Variants in ROBO4 observed in about 807,000 individuals in gnomAD.
ROBO4 encodes roundabout homolog 4.
In ROBO4, 80 loss-of-function variants were observed where a neutral mutation model predicts 103.3. The ratio of observed to expected loss-of-function variants is 0.77; its 90% CI spans 0.65 to 0.93. The LOEUF is 0.93. Ranked by LOEUF, ROBO4 falls within the 40% of genes least tolerant of loss-of-function variation. The pLI is 0.00. For missense variants in ROBO4, 1,333 were observed against 1,305.3 expected, an observed-to-expected ratio of 1.02 and a Z score of -0.33; for synonymous variants, 504 against 529.7, an observed-to-expected ratio of 0.95 and a Z score of 0.67.
chr11:124,892,642 T>C (rs1946817493), intron 10 of ROBO4: 1 of 154,838 alleles, frequency 6.5e-6, no homozygotes, highest in Non-Finnish European at 1.4e-5. Flanking sequence ...ACCCCCTCCA[T>C]GTGTCTTGTA....
Position 124,887,807 on chromosome 11 carries a change from C to T in ROBO4, c.1982G>A (p.Arg661Gln), listed in dbSNP as rs749066541. The change falls in exon 13 of 18, where the codon CGG becomes CAG. Residue 661 changes from arginine (R) to glutamine (Q), a missense_variant. Arg to Gln is a conservative substitution (Grantham distance 43). Transcript: ENST00000306534. ...CCGGAGCTCCAAGGAGTGGCTGCCCCGGAGCAGTGGGGAACTGTTGGCATG... is the reference window on the plus strand; with the variant it reads ...CCGGAGCTCCAAGGAGTGGCTGCCCTGGAGCAGTGGGGAACTGTTGGCATG... ...LQHANSSPLLRGSHSLELRAC... is the reference protein window; with the variant it reads ...LQHANSSPLLQGSHSLELRAC... 1.5e-5 allele frequency: 24 copies of T among 1,613,884 alleles called. 1 individual carries two copies. Among genetic ancestry groups the T allele is most frequent in the Admixed American group, 5.0e-5 (3 of 59,934 alleles).
chr11:124,897,208 G>T lies in ROBO4; in HGVS notation c.124C>A (p.Leu42Met). The change falls in exon 2 of 18, where the codon CTG becomes ATG. Residue 42 changes from leucine (L) to methionine (M), a missense_variant. By Grantham distance (15) the Leu-to-Met change is conservative. Transcript: ENST00000306534. ...CTGGCAGGGCCAGGGCCCTGGAACA[G>T]CTGGTCCTGGGGGTGGACTAGGATC... is the stretch of plus-strand genomic sequence containing the variant. ...PQILVHPQDQ[L>M]FQGPGPARMS... The T allele has an allele frequency of 6.7e-7, 1 of 1,494,402 alleles. No individual in the cohort carries two copies. Among genetic ancestry groups the T allele is most frequent in the Admixed American group, 2.4e-5 (1 of 41,118 alleles). The allele number at this position is 1,494,402 out of a possible 1,614,324, so 92.6% of individuals were successfully genotyped here.
At chr11:124,887,523 G>A in intron 13 of ROBO4, 24 bp from the exon 14 acceptor site, 1 of 1,612,902 alleles carries the variant, frequency 6.2e-7, no homozygotes, top group Non-Finnish European at 8.5e-7. Flanking sequence ...GCCTGGGTGT[G>A]AGAACAGTGG....
At chr11:124,896,834 A>T in intron 2 of ROBO4, 98 bp downstream of exon 2, 1 of 1,531,334 alleles carries the variant, frequency 6.5e-7, no homozygotes, top group Non-Finnish European at 8.8e-7. Flanking sequence ...CTCTGCTCAC[A>T]GGTATCCCAC....
chr11:124,894,631 A>T (rs12278566), intron 7 of ROBO4, among the ~76,000 whole-genome samples: 37,574 of 152,094 alleles, frequency 0.25, 5,821 homozygotes, highest in African/African-American at 0.44. Context: ...CCAAGTCACC[A>T]GGGGGGCCTG....
chr11:124,893,788 C>T (rs997538736), intron 9 of ROBO4, 58 bp from the exon 10 acceptor site: 1 of 1,612,964 alleles, frequency 6.2e-7, no homozygotes, highest in African/African-American at 1.3e-5. Context: ...GTCAGAGATC[C>T]AAAGCCCCTG....
chr11:124,890,836 C>T (rs1591532628), intron 12 of ROBO4, among the ~76,000 whole-genome samples: 1 of 152,214 alleles, frequency 6.6e-6, no homozygotes, highest in Non-Finnish European at 1.5e-5. Flanking sequence ...GTACATAGTA[C>T]ACCAGGAGAT....
Position 124,895,605 on chromosome 11 carries a change from C to A in ROBO4, c.888G>T (p.Pro296=). The A allele has an allele frequency of 1.2e-6, 2 of 1,613,684 alleles. No homozygotes were observed. The highest frequency in any genetic ancestry group is 2.2e-5 in the East Asian group (1 of 44,872). ...TQTAPGGQGA[P]WAEELLAGWQ... ...AGCCGGCCAGCAGCTCCTCTGCCCA[C>A]GGAGCTCCCTGGCCTCCCGGGGCAG... The change falls in exon 6 of 18, where the codon CCG becomes CCT. Residue 296 remains proline (P), a synonymous_variant. Coordinates refer to ENST00000306534, the MANE Select transcript of ROBO4 (RefSeq NM_019055.6).
Position 124,897,008 on chromosome 11 carries a change from G to C in ROBO4, c.324C>G (p.Asp108Glu), listed in dbSNP as rs948221853. The change falls in exon 2 of 18, where the codon GAC becomes GAG. Residue 108 changes from aspartate (D) to glutamate (E), a missense_variant. Coordinates refer to ENST00000306534, the MANE Select transcript of ROBO4 (RefSeq NM_019055.6). The part of the protein sequence containing the change: ...HAHDGQALST[D>E]LGVYTCEASN... ...TGGCCTCACATGTGTAGACACCCAG[G>C]TCTGTGGACAGGGCCTGGCCATCGT... The C allele has an allele frequency of 1.2e-6, 2 of 1,614,012 alleles. No homozygotes were observed. Among genetic ancestry groups the C allele is most frequent in the Admixed American group, 1.7e-5 (1 of 60,006 alleles).
chr11:124,895,710 C>CGG (rs767840343), intron 5 of ROBO4, 25 bp from the exon 6 acceptor site: 1 of 1,611,240 alleles, frequency 6.2e-7, no homozygotes, highest in African/African-American at 1.3e-5. Flanking sequence ...CGAGGAAGGG[C>CGG]GGGGGGTCAG....
rs944578139 is a variant in ROBO4 at position 124,891,434 on chromosome 11, T to A, written c.1813A>T (p.Arg605Trp). The part of the protein sequence containing the change: ...ARPSPQVPAV[R>W]RLPPQLAQLS... Reference sequence around the variant, plus strand: ...TGGGCCAGCTGGGGTGGGAGGCGCCTGACAGCTGGGACCTGGGGACTTGGC... The same window carrying A: ...TGGGCCAGCTGGGGTGGGAGGCGCCAGACAGCTGGGACCTGGGGACTTGGC... Residue 605 changes from arginine to tryptophan, a missense_variant, in exon 12 of 18, where the codon AGG becomes TGG. Coordinates refer to ENST00000306534, the MANE Select transcript of ROBO4 (RefSeq NM_019055.6). 3.1e-6 allele frequency: 5 copies of A among 1,596,158 alleles called. No homozygotes were observed. Among genetic ancestry groups the A allele is most frequent in the Non-Finnish European group, 4.3e-6 (5 of 1,170,066 alleles).
intron 13 of ROBO4, 55 bp from the exon 14 acceptor site, chr11:124,887,554 C>T: frequency 6.2e-7 from 1 of 1,606,068 alleles, no homozygotes. Flanking sequence ...TGCTCTGGAG[C>T]TCAGCCTGCC....
chr11:124,891,692 CG>C lies in ROBO4; in HGVS notation c.1657del (p.Arg553GlyfsTer4), dbSNP rs756760087. The C allele has an allele frequency of 6.2e-7, 1 of 1,614,164 alleles. No homozygotes were observed. Among genetic ancestry groups the C allele is most frequent in the Non-Finnish European group, 8.5e-7 (1 of 1,180,044 alleles). ...GGAGCGACGACAGTCTAGTGGGTCC[CG>C]GGCATCCGCCCCCAGCCGACTGCTG... Reference protein sequence around the residue: ...SLSSRLGADARDPLDCRRSLL... With the variant: ...SLSSRLGADAXDPLDCRRSLL... On this transcript the variant is annotated frameshift_variant, in exon 11 of 18. Transcript: ENST00000306534. LOFTEE classifies it high-confidence loss of function.
intron 4 of ROBO4, 99 bp downstream of exon 4, chr11:124,896,099 C>A: frequency 6.4e-7 from 1 of 1,552,930 alleles, no homozygotes. Context: ...AGCACTTTGA[C>A]CCTGACCCCA....
intron 12 of ROBO4, among the ~76,000 whole-genome samples, chr11:124,888,861 C>T (rs564459758): frequency 1.9e-3 from 283 of 152,220 alleles, no homozygotes; most frequent in African/African-American, 5.9e-3. Flanking sequence ...GGAGCAGGAA[C>T]CTGAAGAACA....
In ROBO4 at chr11:124,887,723, C is replaced by T; in HGVS notation, c.2056+10G>A. ...ACCCCTTCACTTCCCTTTCAGGGAC[C>T]CCCTCTCACCTGGGCTTTGGGAAAG... On this transcript the variant is annotated intron_variant, in intron 13 of 17. Coordinates refer to ENST00000306534, the MANE Select transcript of ROBO4 (RefSeq NM_019055.6). 2.5e-6 allele frequency: 4 copies of T among 1,611,950 alleles called. No homozygotes were observed. The highest frequency in any genetic ancestry group is 3.4e-6 in the Non-Finnish European group (4 of 1,178,212).
chr11:124,894,985 A>G (rs886859531), intron 7 of ROBO4, 96 bp downstream of exon 7: 2 of 938,728 alleles, frequency 2.1e-6, no homozygotes, highest in South Asian at 2.9e-5. Flanking sequence ...CTGCCCAGGT[A>G]CCTTTCTCAG....
At chr11:124,887,286 T>A in intron 14 of ROBO4, 72 bp downstream of exon 14, 1 of 1,605,786 alleles carries the variant, frequency 6.2e-7, no homozygotes, top group Non-Finnish European at 8.5e-7. Flanking sequence ...TTCCCCAGCC[T>A]GTCCAATCCC....
chr11:124,891,654 G>A lies in ROBO4; in HGVS notation c.1684+12C>T. On this transcript the variant is annotated intron_variant, in intron 11 of 17. Coordinates refer to ENST00000306534, the MANE Select transcript of ROBO4 (RefSeq NM_019055.6). ...CCCCAGCTAGGCCCTTGCCCCCACT[G>A]AGCATGCTCACAGGAGCGACGACAG... 2 of 1,614,190 alleles carry A rather than the reference G, an allele frequency of 1.2e-6. No homozygotes were observed. Among genetic ancestry groups the A allele is most frequent in the South Asian group, 1.1e-5 (1 of 91,076 alleles).
Sources: allele counts gnomAD v4.1 joint callset (sites outside exome capture counted in the v4.1 genomes callset), GRCh38; gene constraint gnomAD v4.1.1; transcripts MANE v1.5; gene names NCBI Gene and HGNC (gene_info 2026-07-23, HGNC 2026-07-21).